The following METTL21A variants were observed in gnomAD, a reference collection of about 807,000 sequenced individuals.
METTL21A encodes the protein protein N-lysine methyltransferase METTL21A.
In METTL21A, 22 loss-of-function variants were observed where a neutral mutation model predicts 20.9. That is an observed-to-expected ratio of 1.05 (90% CI 0.75 to 1.50). The LOEUF (loss-of-function observed/expected upper bound fraction) is 1.50. Among genes scored for constraint, METTL21A ranks in the 40% most tolerant of loss-of-function variants. The pLI, the probability that METTL21A is intolerant of heterozygous loss-of-function variation, is 0.00. For missense variants in METTL21A, 271 were observed against 266.8 expected, an observed-to-expected ratio of 1.02 and a Z score of -0.11; for synonymous variants, 93 against 102.0, an observed-to-expected ratio of 0.91 and a Z score of 0.53.
chr2:207,621,922 A>G lies in METTL21A; in HGVS notation c.148-5T>C, dbSNP rs79259044. On this transcript the variant is annotated splice_polypyrimidine_tract_variant and splice_region_variant and intron_variant, in intron 2 of 3. Coordinates refer to ENST00000406927, the Ensembl canonical transcript of METTL21A. ...GTATGTGGAAAGAACGATGGCCTGAATGAAAACACAGTGTGATGACGATTA... is the reference window on the plus strand; with the variant it reads ...GTATGTGGAAAGAACGATGGCCTGAGTGAAAACACAGTGTGATGACGATTA... 1,166 of 1,612,622 alleles carry G rather than the reference A, an allele frequency of 7.2e-4. 3 individuals are homozygous for G. In the African/African-American group the frequency reaches 0.01, roughly 14 times the overall value.
At chr2:207,589,365 C>T (rs1393147131) in intron 3 of METTL21A, among the ~76,000 whole-genome samples, 1 of 152,200 alleles carries the variant, frequency 6.6e-6, no homozygotes, top group African/African-American at 2.4e-5. Flanking sequence ...TCTGCAGTCA[C>T]ATTTTCTTCT....
chr2:207,624,060 C>T (rs1404265382), intron 2 of METTL21A, among the ~76,000 whole-genome samples, 169 bp downstream of exon 2: 1 of 152,084 alleles, frequency 6.6e-6, no homozygotes, highest in Non-Finnish European at 1.5e-5. Flanking sequence ...AGTTGCACTA[C>T]TCTGTGAATA....
At chr2:207,599,089 A>T (rs2086641125) in intron 3 of METTL21A, 1 of 190,094 alleles carries the variant, frequency 5.3e-6, no homozygotes, top group Non-Finnish European at 1.1e-5. Flanking sequence ...GGATGAACAG[A>T]GTTTATGAAG....
chr2:207,582,842 G>GAGATGGC (rs1454581308), intron 3 of METTL21A: 2 of 340,614 alleles, frequency 5.9e-6, no homozygotes, highest in Admixed American at 6.8e-5. Flanking sequence ...GCAGTGAGCT[G>GAGATGGC]AGATGGCACT....
At chr2:207,620,207 G>A (rs908296907) in intron 3 of METTL21A, among the ~76,000 whole-genome samples, 1 of 152,142 alleles carries the variant, frequency 6.6e-6, no homozygotes, top group African/African-American at 2.4e-5. Flanking sequence ...ACTTTGGGAG[G>A]CCAAGGTGGG....
downstream of METTL21A, among the ~76,000 whole-genome samples, chr2:207,604,238 G>T (rs1236375310): frequency 6.6e-6 from 1 of 152,168 alleles, no homozygotes. Flanking sequence ...CACATCCAAA[G>T]ATAAAATTCT....
At chr2:207,622,546 C>T (rs1290983295) in intron 2 of METTL21A, among the ~76,000 whole-genome samples, 4 of 151,668 alleles carry the variant, frequency 2.6e-5, no homozygotes, top group Non-Finnish European at 5.9e-5. Flanking sequence ...TGAACAATTT[C>T]TATGATTTTG....
chr2:207,606,141 G>A (rs914551064), downstream of METTL21A, among the ~76,000 whole-genome samples: 1 of 152,190 alleles, frequency 6.6e-6, no homozygotes, highest in East Asian at 1.9e-4. Context: ...TAGAAGGAAA[G>A]GTGTAACATG....
chr2:207,620,761 T>C, intron 3 of METTL21A: 4 of 1,448,472 alleles, frequency 2.8e-6, no homozygotes, highest in Non-Finnish European at 3.7e-6. Context: ...CCCCTGCCCA[T>C]GCTCCCTGTC....
At chr2:207,620,924 T>C in intron 3 of METTL21A, 1 of 362,000 alleles carries the variant, frequency 2.8e-6, no homozygotes. Flanking sequence ...TCCTGGATCC[T>C]TCCTACCCAA....
chr2:207,597,647 GTCT>G (rs901345132), intron 3 of METTL21A: 40 of 207,040 alleles, frequency 1.9e-4, no homozygotes, highest in African/African-American at 8.4e-4. Context: ...TATGTATGTT[GTCT>G]TCTTCAATAC....
upstream of METTL21A, chr2:207,625,572 T>C (rs980516320): frequency 6.6e-6 from 1 of 152,226 alleles, no homozygotes; most frequent in Non-Finnish European, 1.5e-5. Flanking sequence ...GGAGGCGCTG[T>C]GGGGGCGGGA....
intron 3 of METTL21A, 83 bp from the exon 4 acceptor site, chr2:207,613,526 T>C: frequency 7.6e-7 from 1 of 1,308,854 alleles, no homozygotes; most frequent in South Asian, 1.5e-5. Context: ...AAATGTAGAG[T>C]GTCTCTTAAA....
intron 3 of METTL21A, 122 bp from the exon 4 acceptor site, chr2:207,613,565 C>T: frequency 2.3e-6 from 2 of 865,142 alleles, no homozygotes; most frequent in Non-Finnish European, 3.4e-6. Flanking sequence ...TAATATCAAT[C>T]ACACCTTTCA....
chr2:207,608,495 A>T (rs978337209), downstream of METTL21A, among the ~76,000 whole-genome samples: 1 of 151,950 alleles, frequency 6.6e-6, no homozygotes. Flanking sequence ...CTGATTCTTA[A>T]TGTTTTATGA....
intron 3 of METTL21A, chr2:207,599,006 T>C (rs566655531): frequency 2.7e-5 from 5 of 185,486 alleles, no homozygotes; most frequent in African/African-American, 1.2e-4. Flanking sequence ...CTGGATCCAT[T>C]TTAAAATAAG....
At chr2:207,622,289 A>G (rs1314300442) in intron 2 of METTL21A, among the ~76,000 whole-genome samples, 1 of 149,074 alleles carries the variant, frequency 6.7e-6, no homozygotes, top group East Asian at 2.0e-4. Flanking sequence ...CCACCTCAGC[A>G]CCCCCAGTAA....
chr2:207,612,978 G>T, exon 4 of METTL21A: 2 of 1,417,310 alleles, frequency 1.4e-6, no homozygotes, highest in South Asian at 1.4e-5. Context: ...CATTAAATAT[G>T]GTTAGATTTG....
At chr2:207,603,095 TA>T in intron 3 of METTL21A, 1 of 210,658 alleles carries the variant, frequency 4.7e-6, no homozygotes, top group Non-Finnish European at 9.6e-6. Context: ...GAATACTAAA[TA>T]AATAACTATA....
Sources: gnomAD v4.1 joint callset for allele counts (sites outside exome capture counted in the v4.1 genomes callset) on GRCh38, gnomAD v4.1.1 for gene constraint, MANE v1.5 for transcripts, NCBI Gene and HGNC (gene_info 2026-07-23, HGNC 2026-07-21) for gene names.